SH3PXD2B: variants seen among roughly 807,000 people sequenced by gnomAD.
SH3PXD2B encodes SH3 and PX domain-containing protein 2B.
In SH3PXD2B, 37 loss-of-function variants were observed where a neutral mutation model predicts 73.1. The observed-to-expected ratio is 0.51, with a 90% CI of 0.39 to 0.67. SH3PXD2B has a LOEUF of 0.67. Among genes scored for constraint, SH3PXD2B ranks in the 30% least tolerant of loss-of-function variants. SH3PXD2B has a pLI of 0.00. For missense variants in SH3PXD2B, 1,053 were observed against 1,197.8 expected (o/e 0.88, Z 1.78); for synonymous variants, 457 against 480.5 (o/e 0.95, Z 0.64).
intron 12 of SH3PXD2B, among the ~76,000 whole-genome samples, chr5:172,341,639 A>G (rs1462393943): frequency 6.6e-6 from 1 of 152,018 alleles, no homozygotes; most frequent in Non-Finnish European, 1.5e-5. Flanking sequence ...TAAATTACCC[A>G]GTCTCAGGTA....
rs1344648347 is a variant in SH3PXD2B at position 172,353,548 on chromosome 5, G to A, written c.785+340C>T. The stretch of plus-strand genomic sequence containing the variant: ...CACCATCTTGTTCTCAGAATGGGGC[G>A]GGAGGGGGCTGTCACTCACATGGGG... On this transcript the variant is annotated intron_variant, in intron 9 of 12. Transcript: ENST00000311601. This position sits in a 1 kb window ranked among gnomAD's most constrained non-coding sequence, Gnocchi z 4.3. Among the ~76,000 whole-genome samples the A allele has an allele frequency of 3.9e-5, 6 of 152,206 alleles. No homozygotes were observed. Among genetic ancestry groups the A allele is most frequent in the African/African-American group, 9.7e-5 (4 of 41,446 alleles).
At chr5:172,410,115 T>C (rs1479194115) in intron 2 of SH3PXD2B, among the ~76,000 whole-genome samples, 1 of 152,246 alleles carries the variant, frequency 6.6e-6, no homozygotes, top group Non-Finnish European at 1.5e-5. Flanking sequence ...ATGGGATGTA[T>C]TATCTCTTAG....
At chr5:172,407,932 A>T (rs1758598680) in intron 2 of SH3PXD2B, among the ~76,000 whole-genome samples, 2 of 152,236 alleles carry the variant, frequency 1.3e-5, no homozygotes, top group Non-Finnish European at 2.9e-5. Context: ...ACTGAAGACC[A>T]CTTGCTTCTT....
At chr5:172,409,978 A>G (rs1758655259) in intron 2 of SH3PXD2B, among the ~76,000 whole-genome samples, 1 of 152,196 alleles carries the variant, frequency 6.6e-6, no homozygotes, top group South Asian at 2.1e-4. Context: ...GGCCTCCCAA[A>G]GTGCTGGGAT....
chr5:172,336,528 C>G lies in SH3PXD2B; in HGVS notation c.*1841G>C. 2.1e-6 allele frequency: 2 copies of G among 937,946 alleles called. No individual in the cohort carries two copies. The highest frequency in any genetic ancestry group is 2.5e-6 in the Non-Finnish European group (2 of 807,144). The allele number at this position is 937,946 out of a possible 1,614,324, so 58.1% of individuals were successfully genotyped here. The stretch of plus-strand genomic sequence containing the variant: ...CTCACGCAGAAGCAGCCAGCACCCA[C>G]GTGATAGGGGGTGGAGCTGGGAGGC... On this transcript the variant is annotated 3_prime_UTR_variant, in exon 13 of 13. Coordinates refer to ENST00000311601, the MANE Select transcript of SH3PXD2B (RefSeq NM_001017995.3).
intron 1 of SH3PXD2B, among the ~76,000 whole-genome samples, chr5:172,433,813 C>A (rs1378025527): frequency 2.0e-5 from 3 of 152,180 alleles, no homozygotes; most frequent in African/African-American, 4.8e-5. Flanking sequence ...ATGGAGAGAT[C>A]TCTAGAAAGG....
chr5:172,423,546 G>T (rs945093739), intron 1 of SH3PXD2B, among the ~76,000 whole-genome samples: 12 of 44,972 alleles, frequency 2.7e-4, no homozygotes, highest in Non-Finnish European at 3.8e-4. Context: ...ATACGGGGTT[G>T]GGGGGGGGGG....
At position 172,352,724 on chromosome 5, in the gene SH3PXD2B, T is replaced by C. The variant is rs193052198; in HGVS notation, c.785+1164A>G. On this transcript the variant is annotated intron_variant, in intron 9 of 12. Coordinates refer to ENST00000311601, the MANE Select transcript of SH3PXD2B (RefSeq NM_001017995.3). Reference sequence around the variant, plus strand: ...ATGGATTTATCAGGGGTTTCCACTTTTGCTTCTTCCTCATTTTCTCTTGCC... The same window carrying C: ...ATGGATTTATCAGGGGTTTCCACTTCTGCTTCTTCCTCATTTTCTCTTGCC... Among the ~76,000 whole-genome samples, 9 of 152,300 alleles carry C rather than the reference T, an allele frequency of 5.9e-5. No homozygotes were observed. In the East Asian group the frequency reaches 1.5e-3, roughly 26 times the overall value.
chr5:172,358,783 C>A lies in SH3PXD2B; in HGVS notation c.657G>T (p.Gln219His), dbSNP rs1757336659. The change falls in exon 8 of 13, where the codon CAG becomes CAT. Residue 219 changes from glutamine (Q) to histidine (H), a missense_variant. Gln to His is a conservative substitution (Grantham distance 24, BLOSUM62 0). Transcript: ENST00000311601. Reference protein sequence around the residue: ...QDGVQDEFSLQPEEEEKYTVI... With the variant: ...QDGVQDEFSLHPEEEEKYTVI... ...CGAGCTCCTCCCTACCTTCTTCAGGCTGCAGAGAAAACTCATCCTGCACCC... is the reference window on the plus strand; with the variant it reads ...CGAGCTCCTCCCTACCTTCTTCAGGATGCAGAGAAAACTCATCCTGCACCC... 4 of 1,612,572 alleles carry A rather than the reference C, an allele frequency of 2.5e-6. No homozygotes were observed. The highest frequency in any genetic ancestry group is 3.4e-6 in the Non-Finnish European group (4 of 1,179,450).
At chr5:172,409,575 C>T (rs1028971722) in intron 2 of SH3PXD2B, among the ~76,000 whole-genome samples, 6 of 152,126 alleles carry the variant, frequency 3.9e-5, no homozygotes, top group African/African-American at 1.4e-4. Context: ...TAAGTGAGAA[C>T]TTTATGTTCC....
intron 7 of SH3PXD2B, 22 bp downstream of exon 7, chr5:172,362,713 G>A (rs1455176831): frequency 6.2e-7 from 1 of 1,614,028 alleles, no homozygotes. Flanking sequence ...TAGTGGGAGA[G>A]GGAGATGGTC....
chr5:172,407,442 C>T (rs1228079381), intron 2 of SH3PXD2B, among the ~76,000 whole-genome samples: 1 of 152,222 alleles, frequency 6.6e-6, no homozygotes, highest in East Asian at 1.9e-4. Flanking sequence ...GGTCCAAAGA[C>T]CCCAGTGACC....
At chr5:172,412,330 T>C (rs4421123) in intron 2 of SH3PXD2B, among the ~76,000 whole-genome samples, 74,266 of 152,086 alleles carry the variant, frequency 0.49, 19,296 homozygotes, top group East Asian at 0.7. Flanking sequence ...CTGGTAGCTA[T>C]TGAGCAGGTG....
intron 12 of SH3PXD2B, among the ~76,000 whole-genome samples, chr5:172,342,326 T>G (rs762548340): frequency 1.1e-3 from 168 of 152,160 alleles, no homozygotes; most frequent in Non-Finnish European, 2.0e-3. Flanking sequence ...AGTGGGGAAC[T>G]GTCACCTCAT....
At chr5:172,420,006 G>A (rs946965436) in intron 2 of SH3PXD2B, among the ~76,000 whole-genome samples, 18 of 152,182 alleles carry the variant, frequency 1.2e-4, no homozygotes, top group African/African-American at 4.3e-4. Flanking sequence ...AATGTGGAGG[G>A]TCCTCCATTT....
rs933839137 is a variant in SH3PXD2B, at chr5:172,350,306, C to G, written c.1012+57G>C. 15 of 1,563,600 alleles carry G rather than the reference C, an allele frequency of 9.6e-6. No individual in the cohort carries two copies. The Admixed American group carries it at 2.2e-4, about 23-fold the overall frequency. On this transcript the variant is annotated intron_variant, in intron 10 of 12. Transcript: ENST00000311601. ...GAGGGACGATGTGAGACGCCTTGAGCACAGAGCTGGCACACAGGGGCCCTG... is the reference window on the plus strand; with the variant it reads ...GAGGGACGATGTGAGACGCCTTGAGGACAGAGCTGGCACACAGGGGCCCTG...
intron 10 of SH3PXD2B, among the ~76,000 whole-genome samples, chr5:172,347,687 G>GAC (rs1757026905): frequency 6.6e-6 from 1 of 151,824 alleles, no homozygotes; most frequent in African/African-American, 2.4e-5. Context: ...GCTGGCATTG[G>GAC]ACAGATGATT....
intron 9 of SH3PXD2B, 38 bp from the exon 10 acceptor site, chr5:172,350,627 C>G (rs989275301): frequency 6.4e-7 from 1 of 1,554,710 alleles, no homozygotes; most frequent in Admixed American, 1.9e-5. Context: ...AACTGCTCCG[C>G]CAGGCCCAAG....
intron 11 of SH3PXD2B, among the ~76,000 whole-genome samples, chr5:172,347,033 A>G (rs1757012146): frequency 2.0e-5 from 3 of 152,186 alleles, no homozygotes; most frequent in Non-Finnish European, 4.4e-5. Context: ...CCCAGGGAGC[A>G]GAAGGCAGGT....
Sources: gnomAD v4.1 joint callset for allele counts (sites outside exome capture counted in the v4.1 genomes callset) on GRCh38, gnomAD v4.1.1 for gene constraint, Gnocchi (gnomAD v3.1) non-coding constraint, MANE v1.5 for transcripts, NCBI Gene and HGNC (gene_info 2026-07-23, HGNC 2026-07-21) for gene names.